The following PIEZO2 variants were observed in gnomAD, a reference collection of about 807,000 sequenced individuals.
PIEZO2 encodes piezo type mechanosensitive ion channel component 2.
In PIEZO2, 172 loss-of-function variants were observed where a neutral mutation model predicts 337.3. That is an observed-to-expected ratio of 0.51 (90% CI 0.45 to 0.58). The LOEUF (loss-of-function observed/expected upper bound fraction) is 0.58, where lower values mean the gene tolerates loss of function less well. Ranked by LOEUF, PIEZO2 falls within the 20% of genes least tolerant of loss-of-function variation. PIEZO2 has a pLI of 0.00. For missense variants in PIEZO2, 3,028 were observed against 3,391.3 expected (o/e 0.89, Z 2.66); for synonymous variants, 1,251 against 1,228.5 (o/e 1.02, Z -0.38).
chr18:10,975,392 CA>C (rs1405450593), intron 3 of PIEZO2, among the ~76,000 whole-genome samples: 3 of 152,022 alleles, frequency 2.0e-5, no homozygotes, highest in African/African-American at 7.2e-5. Context: ...AGCGGCACAA[CA>C]TATGTTTGAG....
chr18:10,848,248 G>C (rs1333248491), intron 7 of PIEZO2, among the ~76,000 whole-genome samples: 1 of 152,196 alleles, frequency 6.6e-6, no homozygotes, highest in African/African-American at 2.4e-5. Context: ...AAGATATACA[G>C]CATTGAGGCA....
At position 10,900,522 on chromosome 18, in the gene PIEZO2, A is replaced by G. The variant is rs547469358; in HGVS notation, c.329+10664T>C. Among the ~76,000 whole-genome samples, 4 of 152,346 alleles carry G rather than the reference A, an allele frequency of 2.6e-5. No homozygotes were observed. In the South Asian group the frequency reaches 8.3e-4, roughly 32 times the overall value. On this transcript the variant is annotated intron_variant, in intron 4 of 55. Transcript: ENST00000674853. Reference sequence around the variant, plus strand: ...ATGACAATGGGTTTGAACAAAATCTAAGTCAGAATTCTGGTTAAGTTAGAG... The same window carrying G: ...ATGACAATGGGTTTGAACAAAATCTGAGTCAGAATTCTGGTTAAGTTAGAG...
rs372248498 is a variant in PIEZO2, at chr18:10,672,882, G to T, written c.8162-9C>A. On this transcript the variant is annotated splice_polypyrimidine_tract_variant and intron_variant, in intron 54 of 55. Transcript: ENST00000674853. This position sits in a 1 kb window ranked among gnomAD's most constrained non-coding sequence, Gnocchi z 4.7. ...ATCCATGAAATTATTTTCTAGAAGG[G>T]TAGAAATGCAAAATTAAGTTGACAT... 1.9e-6 allele frequency: 3 copies of T among 1,582,426 alleles called. No homozygotes were observed. Among genetic ancestry groups the T allele is most frequent in the Non-Finnish European group, 2.6e-6 (3 of 1,163,430 alleles).
At chr18:11,059,152 A>G (rs1465285162) in intron 2 of PIEZO2, among the ~76,000 whole-genome samples, 1 of 152,206 alleles carries the variant, frequency 6.6e-6, no homozygotes, top group East Asian at 1.9e-4. Context: ...TATCCAGCCA[A>G]ACTAAGCTTC....
chr18:11,018,121 G>A (rs1042661974), intron 2 of PIEZO2, among the ~76,000 whole-genome samples: 4 of 151,882 alleles, frequency 2.6e-5, no homozygotes, highest in East Asian at 1.9e-4. Context: ...CCAGCTTTGG[G>A]TAGTGGCCGG....
chr18:10,878,517 A>G lies in PIEZO2; in HGVS notation c.330-7102T>C, dbSNP rs1227910109. Among the ~76,000 whole-genome samples the G allele has an allele frequency of 2.0e-5, 3 of 152,222 alleles. No individual in the cohort carries two copies. Among genetic ancestry groups the G allele is most frequent in the Non-Finnish European group, 4.4e-5 (3 of 68,048 alleles). ...TTCATTGTCAAAATTGGAAGCTATA[A>G]CTCATTAAAACATATGTTCATAGTT... is the stretch of plus-strand genomic sequence containing the variant. On this transcript the variant is annotated intron_variant, in intron 4 of 55. Transcript: ENST00000674853. This position sits in a 1 kb window ranked among gnomAD's most constrained non-coding sequence, Gnocchi z 4.3.
At chr18:10,992,238 G>C (rs1034069732) in intron 2 of PIEZO2, among the ~76,000 whole-genome samples, 1 of 152,154 alleles carries the variant, frequency 6.6e-6, no homozygotes, top group Admixed American at 6.5e-5. Flanking sequence ...AGTTTACTTA[G>C]ATCCCATTTG....
chr18:11,034,760 G>A (rs756788409), intron 2 of PIEZO2, among the ~76,000 whole-genome samples: 10 of 152,110 alleles, frequency 6.6e-5, no homozygotes, highest in Non-Finnish European at 1.2e-4. Flanking sequence ...CAGGAGAATC[G>A]CTTCAACCTG....
At chr18:10,914,130 C>T (rs546422434) in intron 3 of PIEZO2, among the ~76,000 whole-genome samples, 4 of 152,272 alleles carry the variant, frequency 2.6e-5, no homozygotes, top group African/African-American at 9.6e-5. Flanking sequence ...CCATGCTTTA[C>T]ATAGTAAGGT....
intron 3 of PIEZO2, among the ~76,000 whole-genome samples, chr18:10,959,674 C>T (rs2033684503): frequency 6.6e-6 from 1 of 152,078 alleles, no homozygotes; most frequent in East Asian, 1.9e-4. Flanking sequence ...ATTACAAAGT[C>T]CCATTGAGGA....
chr18:10,729,454 G>A (rs1011372828), intron 36 of PIEZO2, among the ~76,000 whole-genome samples: 64 of 151,780 alleles, frequency 4.2e-4, no homozygotes, highest in East Asian at 1.9e-3. Flanking sequence ...GTGAAACTCC[G>A]TCTCTACTAA....
chr18:11,060,567 AAG>A (rs1299203607), intron 2 of PIEZO2, among the ~76,000 whole-genome samples: 1 of 152,248 alleles, frequency 6.6e-6, no homozygotes, highest in East Asian at 1.9e-4. Context: ...AAAAATGACA[AAG>A]GGGATATCAC....
intron 4 of PIEZO2, among the ~76,000 whole-genome samples, chr18:10,891,087 C>T (rs1598638675): frequency 6.6e-6 from 1 of 152,136 alleles, no homozygotes; most frequent in Non-Finnish European, 1.5e-5. Flanking sequence ...AATCCCAATA[C>T]TTTGGGAGGC....
rs542740335 is a variant in PIEZO2, at chr18:11,032,887, A to T, written c.160+33240T>A. On this transcript the variant is annotated intron_variant, in intron 2 of 55. Coordinates refer to ENST00000674853, the MANE Select transcript of PIEZO2 (RefSeq NM_001378183.1). The surrounding 1 kb of genome is among the most constrained non-coding windows in gnomAD (Gnocchi z 4.9). ...ACAGGCCTAATGAATGGAGTATCTG[A>T]GTAGCTCAGAAGACAGAGAGGAGAA... Among the ~76,000 whole-genome samples the T allele has an allele frequency of 5.9e-5, 9 of 152,332 alleles. No homozygotes were observed. The highest frequency in any genetic ancestry group is 2.2e-4 in the African/African-American group (9 of 41,576).
At position 10,759,598 on chromosome 18, in the gene PIEZO2, G is replaced by C; in HGVS notation, c.3656-15C>G. The C allele has an allele frequency of 2.0e-6, 3 of 1,535,744 alleles. No homozygotes were observed. The highest frequency in any genetic ancestry group is 1.2e-5 in the South Asian group (1 of 84,026). ...CCACGGGTAATCTGCAGGGAGGGAA[G>C]TGGCGAACAGCACAATCAATACTCT... is the stretch of plus-strand genomic sequence containing the variant. On this transcript the variant is annotated splice_polypyrimidine_tract_variant and intron_variant, in intron 25 of 55. Transcript: ENST00000674853. The surrounding 1 kb of genome is among the most constrained non-coding windows in gnomAD (Gnocchi z 5.5).
At chr18:11,074,527 A>G (rs2038461796) in intron 1 of PIEZO2, among the ~76,000 whole-genome samples, 1 of 152,370 alleles carries the variant, frequency 6.6e-6, no homozygotes, top group East Asian at 1.9e-4. Context: ...AAACTGAGAT[A>G]ACAAGTTATC....
rs1252365170 is a variant in PIEZO2 at position 11,083,537 on chromosome 18, G to A, written c.65-17315C>T. Reference sequence around the variant, plus strand: ...CTGTACACAAAGGGGGAGCCACTCAGGTGGTGCCAGCCCTGCAGGGCACGG... The same window carrying A: ...CTGTACACAAAGGGGGAGCCACTCAAGTGGTGCCAGCCCTGCAGGGCACGG... On this transcript the variant is annotated intron_variant, in intron 1 of 55. Coordinates refer to ENST00000674853, the MANE Select transcript of PIEZO2 (RefSeq NM_001378183.1). The surrounding 1 kb of genome is among the most constrained non-coding windows in gnomAD (Gnocchi z 4.4). Among the ~76,000 whole-genome samples, 2 of 152,298 alleles carry A rather than the reference G, an allele frequency of 1.3e-5. No individual in the cohort carries two copies. The highest frequency in any genetic ancestry group is 3.9e-4 in the East Asian group (2 of 5,170).
chr18:10,813,124 C>A lies in PIEZO2; in HGVS notation c.918-5850G>T, dbSNP rs1197070894. ...CCTCCGGAGTATCTAGGATTACAGG[C>A]ACGCGCCACCACGCTCAGCTAAGTT... On this transcript the variant is annotated intron_variant, in intron 7 of 55. Transcript: ENST00000674853. The surrounding 1 kb of genome is among the most constrained non-coding windows in gnomAD (Gnocchi z 4.2). 6.6e-6 allele frequency among the ~76,000 whole-genome samples: 1 copy of A among 151,960 alleles called. No homozygotes were observed. Among genetic ancestry groups the A allele is most frequent in the African/African-American group, 2.4e-5 (1 of 41,376 alleles).
In PIEZO2 at chr18:11,009,823, G is replaced by C. The variant is rs113899062; in HGVS notation, c.161-30163C>G. 5.2e-4 allele frequency among the ~76,000 whole-genome samples: 79 copies of C among 152,150 alleles called. No individual in the cohort carries two copies. Among genetic ancestry groups the C allele is most frequent in the African/African-American group, 1.9e-3 (77 of 41,492 alleles). Reference sequence around the variant, plus strand: ...CCGGTGTCCTTGTAAGAAGAGGAGAGTAGGACGCGGACAGGCACAGAAGGG... The same window carrying C: ...CCGGTGTCCTTGTAAGAAGAGGAGACTAGGACGCGGACAGGCACAGAAGGG... On this transcript the variant is annotated intron_variant, in intron 2 of 55. Transcript: ENST00000674853. The surrounding 1 kb of genome is among the most constrained non-coding windows in gnomAD (Gnocchi z 4.6).
Sources: gnomAD v4.1 joint callset for allele counts (sites outside exome capture counted in the v4.1 genomes callset) on GRCh38, gnomAD v4.1.1 for gene constraint, Gnocchi (gnomAD v3.1) non-coding constraint, MANE v1.5 for transcripts, NCBI Gene and HGNC (gene_info 2026-07-23, HGNC 2026-07-21) for gene names.